The following NAV2 variants were observed in gnomAD, a reference collection of about 807,000 sequenced individuals.
The protein encoded by NAV2 is neuron navigator 2.
Under a neutral mutation model 223.2 loss-of-function variants are expected in NAV2, and 54 were observed. That is an observed-to-expected ratio of 0.24 (90% confidence interval 0.19 to 0.30). The LOEUF (loss-of-function observed/expected upper bound fraction) is 0.30, where lower values mean the gene tolerates loss of function less well. NAV2 is among the 10% of genes least tolerant of loss of function. NAV2 has a pLI of 1.00. For synonymous variants in NAV2, 1,279 were observed against 1,239.3 expected (o/e 1.03, Z -0.67); for missense variants, 2,806 against 3,147.5 (o/e 0.89, Z 2.60).
intron 1 of NAV2, among the ~76,000 whole-genome samples, chr11:19,726,985 G>T (rs1238003720): frequency 6.6e-6 from 1 of 152,188 alleles, no homozygotes; most frequent in Non-Finnish European, 1.5e-5. Context: ...AGATGGGAGG[G>T]ATGGATGGAG....
At chr11:19,514,411 T>TA (rs2043375847) in intron 1 of NAV2, among the ~76,000 whole-genome samples, 1 of 152,206 alleles carries the variant, frequency 6.6e-6, no homozygotes, top group South Asian at 2.1e-4. Flanking sequence ...ACCTTATTTT[T>TA]ACCGACATTT....
chr11:19,973,890 C>T (rs1416044370), intron 10 of NAV2, among the ~76,000 whole-genome samples: 1 of 152,224 alleles, frequency 6.6e-6, no homozygotes, highest in Non-Finnish European at 1.5e-5. Flanking sequence ...TGCCAGCCAT[C>T]TGAGTTTCCA....
chr11:19,848,521 G>T (rs2060933103), intron 3 of NAV2, among the ~76,000 whole-genome samples: 1 of 152,204 alleles, frequency 6.6e-6, no homozygotes, highest in Non-Finnish European at 1.5e-5. Context: ...AGGCATCACA[G>T]CTGAGAGCAA....
At chr11:19,390,913 G>A (rs976678324) in intron 1 of NAV2, among the ~76,000 whole-genome samples, 2 of 152,170 alleles carry the variant, frequency 1.3e-5, no homozygotes, top group African/African-American at 4.8e-5. Flanking sequence ...CTTAAATGCA[G>A]TATCTAATTG....
intron 3 of NAV2, among the ~76,000 whole-genome samples, chr11:19,854,049 CAT>C (rs1029077817): frequency 1.3e-5 from 2 of 152,164 alleles, no homozygotes; most frequent in African/African-American, 4.8e-5. Context: ...GGAAGGGAAA[CAT>C]AGCTGTAGAT....
chr11:19,951,149 G>A (rs1162824161), intron 10 of NAV2, among the ~76,000 whole-genome samples: 1 of 152,154 alleles, frequency 6.6e-6, no homozygotes. Context: ...GATTTCTATG[G>A]CCTACCTAGG....
chr11:19,689,413 G>C (rs1234962315), intron 1 of NAV2, among the ~76,000 whole-genome samples: 1 of 152,238 alleles, frequency 6.6e-6, no homozygotes, highest in Admixed American at 6.5e-5. Flanking sequence ...GCAAGGTAGG[G>C]ACATGGGAAC....
chr11:19,847,471 G>T (rs1459145709), intron 3 of NAV2, among the ~76,000 whole-genome samples: 1 of 152,138 alleles, frequency 6.6e-6, no homozygotes, highest in Non-Finnish European at 1.5e-5. Flanking sequence ...GAGTCCTCCT[G>T]CCTTCTTCCC....
intron 11 of NAV2, among the ~76,000 whole-genome samples, chr11:20,032,394 C>G (rs2055864578): frequency 1.3e-5 from 2 of 152,208 alleles, no homozygotes; most frequent in Non-Finnish European, 2.9e-5. Flanking sequence ...ACATGCCCCT[C>G]CGGAATATTA....
chr11:19,504,027 A>G (rs916720904), intron 1 of NAV2, among the ~76,000 whole-genome samples: 7 of 152,256 alleles, frequency 4.6e-5, no homozygotes, highest in African/African-American at 1.7e-4. Flanking sequence ...ACACCTCACC[A>G]AGATATACGG....
intron 1 of NAV2, among the ~76,000 whole-genome samples, chr11:19,778,572 T>C (rs1030950346): frequency 2.6e-5 from 4 of 152,120 alleles, no homozygotes; most frequent in Non-Finnish European, 4.4e-5. Context: ...AGCAGCTGCA[T>C]TGGATACCAA....
At position 19,800,930 on chromosome 11, in the gene NAV2, C is replaced by T. The variant is rs181598773; in HGVS notation, c.268-31554C>T. The stretch of plus-strand genomic sequence containing the variant: ...GCATGAGGCCAAATGAACAGTAGGT[C>T]TTACCTCAGGACCCAGATGTATTCT... On this transcript the variant is annotated intron_variant, in intron 1 of 37. Transcript: ENST00000349880. Among the ~76,000 whole-genome samples the T allele has an allele frequency of 3.8e-3, 579 of 152,290 alleles. 1 individual carries two copies. Among genetic ancestry groups the T allele is most frequent in the African/African-American group, 0.013 (548 of 41,568 alleles).
At chr11:19,454,406 A>G (rs1851890674) in intron 1 of NAV2, among the ~76,000 whole-genome samples, 1 of 152,158 alleles carries the variant, frequency 6.6e-6, no homozygotes, top group Admixed American at 6.5e-5. Context: ...GCTTCTATTG[A>G]AGGAGAATGG....
At chr11:19,516,550 G>A (rs1023835320) in intron 1 of NAV2, among the ~76,000 whole-genome samples, 2 of 152,232 alleles carry the variant, frequency 1.3e-5, no homozygotes, top group African/African-American at 2.4e-5. Flanking sequence ...AGCAAAATGA[G>A]CCATGTCTAC....
At chr11:19,630,057 T>C (rs2047301279) in intron 1 of NAV2, among the ~76,000 whole-genome samples, 1 of 151,076 alleles carries the variant, frequency 6.6e-6, no homozygotes, top group Non-Finnish European at 1.5e-5. Flanking sequence ...ATGCGACCTA[T>C]GTTCCCCCAA....
At chr11:19,525,750 C>T (rs543528693) in intron 1 of NAV2, among the ~76,000 whole-genome samples, 8 of 152,276 alleles carry the variant, frequency 5.3e-5, no homozygotes, top group African/African-American at 1.9e-4. Flanking sequence ...TCTGCATTTT[C>T]TTATCTAGGA....
intron 1 of NAV2, among the ~76,000 whole-genome samples, chr11:19,698,794 G>C (rs2049421038): frequency 6.6e-6 from 1 of 152,158 alleles, no homozygotes; most frequent in East Asian, 1.9e-4. Flanking sequence ...CATGTGGACA[G>C]TGCTCACGTG....
intron 1 of NAV2, among the ~76,000 whole-genome samples, chr11:19,555,145 C>T (rs1192630192): frequency 6.6e-6 from 1 of 152,078 alleles, no homozygotes; most frequent in African/African-American, 2.4e-5. Context: ...AGACAGGGAT[C>T]AATGTACAGG....
chr11:20,119,907 G>A lies in NAV2; in HGVS notation c.*1649G>A, dbSNP rs2063388512. The A allele has an allele frequency of 6.6e-6, 1 of 152,192 alleles. No individual in the cohort carries two copies. The highest frequency in any genetic ancestry group is 2.1e-4 in the South Asian group (1 of 4,820). 9.4% of individuals were successfully genotyped at this position (152,192 alleles called of 1,614,324 possible). Reference sequence around the variant, plus strand: ...CAATGATCTGTCTGGTGCAGGAGAAGGCAAAAGTTTCTACAAGTCTACATG... The same window carrying A: ...CAATGATCTGTCTGGTGCAGGAGAAAGCAAAAGTTTCTACAAGTCTACATG... On this transcript the variant is annotated 3_prime_UTR_variant, in exon 38 of 38. Transcript: ENST00000349880.
Sources: allele counts gnomAD v4.1 joint callset (sites outside exome capture counted in the v4.1 genomes callset), GRCh38; gene constraint gnomAD v4.1.1; transcripts MANE v1.5; gene names NCBI Gene and HGNC (gene_info 2026-07-23, HGNC 2026-07-21).